TMEM178B: variants seen among roughly 807,000 people sequenced by gnomAD.
TMEM178B encodes the protein transmembrane protein 178B.
In TMEM178B, 5 loss-of-function variants were observed where a neutral mutation model predicts 31.0. The ratio of observed to expected loss-of-function variants is 0.16; its 90% CI spans 0.08 to 0.34. TMEM178B has a LOEUF of 0.34. TMEM178B is among the 10% of genes least tolerant of loss of function. The pLI, the probability that TMEM178B is intolerant of heterozygous loss-of-function variation, is 1.00. For missense variants in TMEM178B, 275 were observed against 400.3 expected (o/e 0.69, Z 2.67); for synonymous variants, 164 against 164.0 (o/e 1.00, Z 0.00).
chr7:141,480,784 G>T (rs1802462420), downstream of TMEM178B, among the ~76,000 whole-genome samples: 1 of 152,206 alleles, frequency 6.6e-6, no homozygotes. Flanking sequence ...GTCTTCATCA[G>T]CTTTGTCCCT....
rs779336011 is a variant in TMEM178B, at chr7:141,470,638, A to G, written c.737A>G (p.His246Arg). 4 of 1,535,364 alleles carry G rather than the reference A, an allele frequency of 2.6e-6. No individual in the cohort carries two copies. Among genetic ancestry groups the G allele is most frequent in the Non-Finnish European group, 2.6e-6 (3 of 1,146,708 alleles). Residue 246 changes from histidine to arginine, a missense_variant, in exon 4 of 4, where the codon CAT becomes CGT. By Grantham distance (29) the His-to-Arg change is conservative. Coordinates refer to ENST00000565468, the MANE Select transcript of TMEM178B (RefSeq NM_001195278.2). ...YLYGLPDDIS[H>R]GYGWSMFCAW... ...TACGGACTCCCTGATGACATCAGCC[A>G]TGGCTATGGCTGGTCCATGTTCTGT...
chr7:141,420,892 A>G (rs1395772234), intron 2 of TMEM178B, among the ~76,000 whole-genome samples: 1 of 152,236 alleles, frequency 6.6e-6, no homozygotes, highest in African/African-American at 2.4e-5. Context: ...GGCATTGAGA[A>G]TCACAACTAC....
intron 2 of TMEM178B, among the ~76,000 whole-genome samples, chr7:141,303,681 C>G (rs1798765999): frequency 6.6e-6 from 1 of 152,318 alleles, no homozygotes; most frequent in African/African-American, 2.4e-5. Context: ...ATGATTCCTA[C>G]TTTATGCCTC....
At chr7:141,467,198 G>A (rs1802160331) in intron 3 of TMEM178B, among the ~76,000 whole-genome samples, 1 of 152,118 alleles carries the variant, frequency 6.6e-6, no homozygotes, top group Non-Finnish European at 1.5e-5. Context: ...AGGGAGTCTA[G>A]GTTGAGACCT....
At chr7:141,236,741 T>A (rs141699981) in intron 2 of TMEM178B, among the ~76,000 whole-genome samples, 1 of 152,200 alleles carries the variant, frequency 6.6e-6, no homozygotes, top group Admixed American at 6.5e-5. Flanking sequence ...GAGGTGATTA[T>A]TTATCTGATG....
At chr7:141,273,109 A>T (rs1269814684) in intron 2 of TMEM178B, among the ~76,000 whole-genome samples, 2 of 152,244 alleles carry the variant, frequency 1.3e-5, no homozygotes, top group Non-Finnish European at 2.9e-5. Flanking sequence ...TATGCTAGGT[A>T]AAATAAGCCA....
intron 2 of TMEM178B, among the ~76,000 whole-genome samples, chr7:141,409,404 T>C (rs1800941391): frequency 6.6e-6 from 1 of 152,226 alleles, no homozygotes; most frequent in African/African-American, 2.4e-5. Flanking sequence ...GATTCTACTT[T>C]GCTGTGTGAC....
At chr7:141,299,325 C>T (rs563243776) in intron 2 of TMEM178B, among the ~76,000 whole-genome samples, 8 of 152,200 alleles carry the variant, frequency 5.3e-5, no homozygotes, top group East Asian at 1.9e-4. Flanking sequence ...TATAGGCATG[C>T]GCCACCACAC....
intron 1 of TMEM178B, among the ~76,000 whole-genome samples, chr7:141,091,846 A>G (rs145308210): frequency 0.026 from 3,956 of 152,040 alleles, 81 homozygotes; most frequent in Non-Finnish European, 0.034. Flanking sequence ...TCCTGCCTCA[A>G]CCTCCTGAGT....
intron 1 of TMEM178B, among the ~76,000 whole-genome samples, chr7:141,087,265 T>C (rs1794804383): frequency 6.6e-6 from 1 of 152,130 alleles, no homozygotes; most frequent in South Asian, 2.1e-4. Context: ...CAGTTTTCCT[T>C]GAAATTAGCT....
At chr7:141,465,707 G>A (rs1802137283) in intron 3 of TMEM178B, among the ~76,000 whole-genome samples, 1 of 152,106 alleles carries the variant, frequency 6.6e-6, no homozygotes, top group Non-Finnish European at 1.5e-5. Flanking sequence ...TCTATGTGGA[G>A]AGGTACATAA....
chr7:141,434,301 G>A (rs1459802428), intron 2 of TMEM178B, among the ~76,000 whole-genome samples: 1 of 152,184 alleles, frequency 6.6e-6, no homozygotes, highest in Non-Finnish European at 1.5e-5. Flanking sequence ...AGAGCCTGGG[G>A]AACAGTACAG....
intron 3 of TMEM178B, among the ~76,000 whole-genome samples, chr7:141,459,176 TGCGC>T (rs1802018575): frequency 6.6e-6 from 1 of 152,148 alleles, no homozygotes; most frequent in African/African-American, 2.4e-5. Context: ...ATTACAGGCA[TGCGC>T]CACCACTCCT....
At chr7:141,454,445 T>A (rs1801923743) in intron 3 of TMEM178B, among the ~76,000 whole-genome samples, 1 of 152,278 alleles carries the variant, frequency 6.6e-6, no homozygotes, top group South Asian at 2.1e-4. Context: ...CTCCCCTTGC[T>A]CACGTCTCCA....
At chr7:141,324,557 C>T (rs963468171) in intron 2 of TMEM178B, among the ~76,000 whole-genome samples, 1 of 148,672 alleles carries the variant, frequency 6.7e-6, no homozygotes, top group Admixed American at 6.8e-5. Context: ...GAGTTTCAGA[C>T]TCAAAAGACC....
intron 1 of TMEM178B, among the ~76,000 whole-genome samples, chr7:141,210,933 C>CGCCCTTGAG (rs1210733022): frequency 2.0e-5 from 3 of 152,066 alleles, no homozygotes; most frequent in Non-Finnish European, 4.4e-5. Context: ...GAAGGCAGGG[C>CGCCCTTGAG]GCCCTTGAGG....
chr7:141,118,988 C>G (rs1289410130), intron 1 of TMEM178B, among the ~76,000 whole-genome samples: 4 of 152,176 alleles, frequency 2.6e-5, no homozygotes, highest in Non-Finnish European at 5.9e-5. Flanking sequence ...GCGTGGCTCT[C>G]TTAAGACATT....
intron 2 of TMEM178B, among the ~76,000 whole-genome samples, chr7:141,388,906 C>T (rs1478333313): frequency 7.2e-6 from 1 of 139,498 alleles, no homozygotes. Context: ...TGCAATGTTA[C>T]CACTTTGGCA....
At chr7:141,199,488 T>A (rs1360757134) in intron 1 of TMEM178B, among the ~76,000 whole-genome samples, 3 of 152,164 alleles carry the variant, frequency 2.0e-5, no homozygotes, top group African/African-American at 7.2e-5. Flanking sequence ...GTGGGAGAGG[T>A]GCCTGGTGGT....
Sources: gnomAD v4.1 joint callset for allele counts (sites outside exome capture counted in the v4.1 genomes callset) on GRCh38, gnomAD v4.1.1 for gene constraint, MANE v1.5 for transcripts, NCBI Gene and HGNC (gene_info 2026-07-23, HGNC 2026-07-21) for gene names.